Variants in PHLDB1 observed in about 807,000 individuals in gnomAD.
PHLDB1 encodes the protein pleckstrin homology like domain family B member 1.
PHLDB1 carries 65 observed loss-of-function variants against 139.3 expected under a neutral mutation model. That is an observed-to-expected ratio of 0.47 (90% CI 0.38 to 0.57). PHLDB1 has a LOEUF of 0.57. Among genes scored for constraint, PHLDB1 ranks in the 20% least tolerant of loss-of-function variants. The pLI, the probability that PHLDB1 is intolerant of heterozygous loss-of-function variation, is 0.00. For synonymous variants in PHLDB1, 679 were observed against 734.5 expected (o/e 0.92, Z 1.22); for missense variants, 1,624 against 1,839.7 (o/e 0.88, Z 2.14).
chr11:118,627,992 C>T lies in PHLDB1; in HGVS notation c.1169C>T (p.Ala390Val), dbSNP rs374848914. Residue 390 changes from alanine (A) to valine (V), a missense_variant, in exon 6 of 23, where the codon GCT becomes GTT. Physicochemically the swap from Ala to Val is moderately conservative, Grantham distance 64 (BLOSUM62 0). Coordinates refer to ENST00000600882, the MANE Select transcript of PHLDB1 (RefSeq NM_001144758.3). ...CCCAAGTTTCAGCCTCCAGTCCCTG[C>T]TCCCCGAAACAAGATTGGCACACTC... is the stretch of plus-strand genomic sequence containing the variant. ...GSPKFQPPVP[A>V]PRNKIGTLQD... is the part of the protein sequence containing the mutation. 10 of 1,613,924 alleles carry T rather than the reference C, an allele frequency of 6.2e-6. No individual in the cohort carries two copies. In the African/African-American group the frequency reaches 1.2e-4, roughly 19 times the overall value.
rs372883372 is a variant in PHLDB1 at position 118,655,797 on chromosome 11, C to G, written c.3961-63C>G. On this transcript the variant is annotated intron_variant, in intron 21 of 22. Coordinates refer to ENST00000600882, the MANE Select transcript of PHLDB1 (RefSeq NM_001144758.3). ...GCCTCCAGCCTGCCCTCTACAGAGG[C>G]TCCAACCCAGTCCTTGTTCTCTTTG... is the stretch of plus-strand genomic sequence containing the variant. 3 of 1,525,696 alleles carry G rather than the reference C, an allele frequency of 2.0e-6. No homozygotes were observed. The African/African-American group carries it at 4.1e-5, about 21-fold the overall frequency. 94.5% of individuals were successfully genotyped at this position (1,525,696 alleles called of 1,614,324 possible). A position where few individuals can be genotyped will look rare whatever the true frequency, so the allele number is the denominator to read the frequency against.
chr11:118,650,730 A>T lies in PHLDB1; in HGVS notation c.3874+183A>T, dbSNP rs1591773485. 1.7e-6 allele frequency: 1 copy of T among 596,676 alleles called. No individual in the cohort carries two copies. Among genetic ancestry groups the T allele is most frequent in the East Asian group, 2.8e-5 (1 of 35,958 alleles). The allele number at this position is 596,676 out of a possible 1,614,324, so 37.0% of individuals were successfully genotyped here. Reference sequence around the variant, plus strand: ...CTGGTTCACCTCCATTTTTGTGTTCATTCATTCATTCCTTCATTCAGCAAT... The same window carrying T: ...CTGGTTCACCTCCATTTTTGTGTTCTTTCATTCATTCCTTCATTCAGCAAT... On this transcript the variant is annotated intron_variant, in intron 20 of 22. Coordinates refer to ENST00000600882, the MANE Select transcript of PHLDB1 (RefSeq NM_001144758.3). The surrounding 1 kb of genome is among the most constrained non-coding windows in gnomAD (Gnocchi z 4.7).
intron 18 of PHLDB1, among the ~76,000 whole-genome samples, chr11:118,649,130 AT>A (rs1947985358): frequency 6.6e-6 from 1 of 152,062 alleles, no homozygotes; most frequent in Non-Finnish European, 1.5e-5. Context: ...AAATACAAAA[AT>A]TAGCTGGGCG....
intron 4 of PHLDB1, among the ~76,000 whole-genome samples, 156 bp downstream of exon 4, chr11:118,616,367 C>T (rs1941638456): frequency 6.6e-6 from 1 of 152,194 alleles, no homozygotes; most frequent in South Asian, 2.1e-4. Context: ...GCCTAAACAA[C>T]ATCCCAAACC....
chr11:118,617,118 G>A (rs1941806510), intron 4 of PHLDB1, among the ~76,000 whole-genome samples: 1 of 152,178 alleles, frequency 6.6e-6, no homozygotes, highest in African/African-American at 2.4e-5. Flanking sequence ...AGGCAGGTAA[G>A]CGGTTGGCCC....
intron 7 of PHLDB1, among the ~76,000 whole-genome samples, 175 bp from the exon 8 acceptor site, chr11:118,631,738 G>T (rs1015131602): frequency 6.6e-6 from 1 of 151,924 alleles, no homozygotes. Flanking sequence ...ATTCTCTTCC[G>T]CAGAGCCCTT....
Position 118,657,602 on chromosome 11 carries a change from C to T in PHLDB1, c.*779C>T, listed in dbSNP as rs1949186280. The T allele has an allele frequency of 6.5e-6, 1 of 153,198 alleles. No homozygotes were observed. Among genetic ancestry groups the T allele is most frequent in the Non-Finnish European group, 1.5e-5 (1 of 68,494 alleles). 9.5% of individuals were successfully genotyped at this position (153,198 alleles called of 1,614,324 possible). On this transcript the variant is annotated 3_prime_UTR_variant, in exon 23 of 23. Transcript: ENST00000600882. ...CCCCCCAGTCCAGCCCTCTCCCTTC[C>T]ACTGGTGCCTTGCTTAGAGCCAGAA...
chr11:118,635,161 A>G (rs1450899591), intron 9 of PHLDB1: 3 of 582,596 alleles, frequency 5.1e-6, no homozygotes, highest in African/African-American at 1.9e-5. Flanking sequence ...GCCGGACACC[A>G]GGGTCGGTGC....
intron 6 of PHLDB1, chr11:118,630,196 C>A: frequency 1.8e-6 from 1 of 570,464 alleles, no homozygotes; most frequent in Non-Finnish European, 2.9e-6. Flanking sequence ...CCTAGAGAGC[C>A]ATGGAAGCCT....
Position 118,645,079 on chromosome 11 carries a change from G to C in PHLDB1, c.3122-277G>C. The C allele has an allele frequency of 4.8e-6, 2 of 413,128 alleles. No individual in the cohort carries two copies. The highest frequency in any genetic ancestry group is 2.0e-5 in the African/African-American group (1 of 48,854). The allele number at this position is 413,128 out of a possible 1,614,324, so 25.6% of individuals were successfully genotyped here. ...GCCAACTGGCTGTCGTGCTGCCCCA[G>C]CACTACTTGGGTAGGTTTGGTGTCC... On this transcript the variant is annotated intron_variant, in intron 15 of 22. Coordinates refer to ENST00000600882, the MANE Select transcript of PHLDB1 (RefSeq NM_001144758.3). This position sits in a 1 kb window ranked among gnomAD's most constrained non-coding sequence, Gnocchi z 5.1.
chr11:118,613,511 C>T lies in PHLDB1; in HGVS notation c.-21-305C>T, dbSNP rs189667553. 2.8e-3 allele frequency: 2,842 copies of T among 1,005,878 alleles called. 9 individuals carry two copies. The highest frequency in any genetic ancestry group is 3.1e-3 in the South Asian group (93 of 30,152). The allele number at this position is 1,005,878 out of a possible 1,614,324, so 62.3% of individuals were successfully genotyped here. On this transcript the variant is annotated intron_variant, in intron 1 of 22. Coordinates refer to ENST00000600882, the MANE Select transcript of PHLDB1 (RefSeq NM_001144758.3). ...GCCAAGGGTCTTCAGCTGTCAAAAC[C>T]CGGGTTCTGAGTAGCATAGGGCAAG... is the stretch of plus-strand genomic sequence containing the variant.
chr11:118,614,910 G>A, intron 3 of PHLDB1: 1 of 490,776 alleles, frequency 2.0e-6, no homozygotes. Context: ...GAAACAAGGA[G>A]GAGAGGCCAG....
At chr11:118,612,240 T>G (rs1404556907) in intron 1 of PHLDB1, among the ~76,000 whole-genome samples, 1 of 152,124 alleles carries the variant, frequency 6.6e-6, no homozygotes, top group Non-Finnish European at 1.5e-5. Context: ...AATAAATAAA[T>G]AAAGTCAGGG....
rs181353789 is a variant in PHLDB1 at position 118,613,930 on chromosome 11, T to C, written c.60+34T>C. ...GATCAGGGCTGTGAGGCAAGAGAGA[T>C]ATAATAGGGATGGGATCAGCTCTTC... On this transcript the variant is annotated intron_variant, in intron 2 of 22. Transcript: ENST00000600882. The C allele has an allele frequency of 3.3e-5, 45 of 1,352,728 alleles. No homozygotes were observed. The East Asian group carries it at 1.0e-3, about 31-fold the overall frequency. 83.8% of individuals were successfully genotyped at this position (1,352,728 alleles called of 1,614,324 possible).
At chr11:118,646,965 G>T (rs993427854) in intron 17 of PHLDB1, 1 of 152,178 alleles carries the variant, frequency 6.6e-6, no homozygotes, top group Admixed American at 6.5e-5. Context: ...GAGCTGGGAA[G>T]AAATAGTAAA....
At position 118,631,779 on chromosome 11, in the gene PHLDB1, G is replaced by A. The variant is rs1455713614; in HGVS notation, c.2101-134G>A. On this transcript the variant is annotated intron_variant, in intron 7 of 22. Transcript: ENST00000600882. ...TCCCCTCAAAGGTGGGGGTTGCGGG[G>A]GGGCAGGGAATTAGCCTCCTGTCTC... 3.7e-6 allele frequency: 4 copies of A among 1,072,416 alleles called. No homozygotes were observed. The African/African-American group carries it at 4.7e-5, about 13-fold the overall frequency. The allele number at this position is 1,072,416 out of a possible 1,614,324, so 66.4% of individuals were successfully genotyped here.
intron 6 of PHLDB1, chr11:118,630,232 G>A: frequency 2.4e-6 from 1 of 415,926 alleles, no homozygotes; most frequent in Non-Finnish European, 4.5e-6. Flanking sequence ...AGGCCTATAG[G>A]TAGGCCTGCG....
chr11:118,611,901 T>C lies in PHLDB1; in HGVS notation c.-21-1915T>C, dbSNP rs1940470141. On this transcript the variant is annotated intron_variant, in intron 1 of 22. Transcript: ENST00000600882. This position sits in a 1 kb window ranked among gnomAD's most constrained non-coding sequence, Gnocchi z 4.7. Reference sequence around the variant, plus strand: ...ACAGAATGCCATTTAATATAATACCTGAATTTCAGACAGTCCTTTTTAAAA... The same window carrying C: ...ACAGAATGCCATTTAATATAATACCCGAATTTCAGACAGTCCTTTTTAAAA... Among the ~76,000 whole-genome samples the C allele has an allele frequency of 1.3e-5, 2 of 151,964 alleles. No homozygotes were observed. The highest frequency in any genetic ancestry group is 4.1e-4 in the South Asian group (2 of 4,832).
At chr11:118,630,213 C>A in intron 6 of PHLDB1, 1 of 483,684 alleles carries the variant, frequency 2.1e-6, no homozygotes, top group Non-Finnish European at 3.6e-6. Flanking sequence ...GCCTCACAAA[C>A]CAGGCTTCAG....
Sources: gnomAD v4.1 joint callset for allele counts (sites outside exome capture counted in the v4.1 genomes callset) on GRCh38, gnomAD v4.1.1 for gene constraint, Gnocchi (gnomAD v3.1) non-coding constraint, MANE v1.5 for transcripts, NCBI Gene and HGNC (gene_info 2026-07-23, HGNC 2026-07-21) for gene names.